EP400: variants seen among roughly 807,000 people sequenced by gnomAD.
EP400 encodes E1A-binding protein p400.
Under a neutral mutation model 354.1 loss-of-function variants are expected in EP400, and 105 were observed. That is an observed-to-expected ratio of 0.30 (90% confidence interval 0.25 to 0.35). The LOEUF (loss-of-function observed/expected upper bound fraction) is 0.35. EP400 is among the 10% of genes least tolerant of loss of function. The pLI, the probability that EP400 is intolerant of heterozygous loss-of-function variation, is 1.00. For missense variants in EP400, 3,280 were observed against 4,121.0 expected (o/e 0.80, Z 5.59); for synonymous variants, 1,646 against 1,716.9 (o/e 0.96, Z 1.02).
intron 30 of EP400, among the ~76,000 whole-genome samples, chr12:132,032,876 G>A (rs577107739): frequency 2.0e-4 from 30 of 152,040 alleles, no homozygotes; most frequent in Non-Finnish European, 4.3e-4. Flanking sequence ...TGATCCGCCC[G>A]CCGTGGCCTC....
At chr12:132,031,901 G>A (rs1857576430) in intron 29 of EP400, 52 bp from the exon 30 acceptor site, 2 of 1,538,908 alleles carry the variant, frequency 1.3e-6, no homozygotes, top group Non-Finnish European at 1.8e-6. Flanking sequence ...CGTGTCAAAG[G>A]TTTCCCAACA....
chr12:132,028,839 TC>T (rs1459997014), intron 27 of EP400: 1 of 155,694 alleles, frequency 6.4e-6, no homozygotes, highest in Admixed American at 6.1e-5. Flanking sequence ...CATGTTTTCT[TC>T]CCTTCTTTGC....
Position 131,987,802 on chromosome 12 carries a change from C to G in EP400, c.2321C>G (p.Ser774Cys). The part of the protein sequence containing the change: ...PKLQEAPRPK[S>C]HWDYLLEEMQ... ...CTGCAGGAGGCCCCACGCCCCAAGT[C>G]CCACTGGGACTATCTGCTGGAGGAG... The change falls in exon 7 of 53, where the codon TCC (serine) becomes TGC (cysteine). Residue 774 changes from serine (S) to cysteine (C), a missense_variant. Transcript: ENST00000389561. 1 of 1,613,468 alleles carries G rather than the reference C, an allele frequency of 6.2e-7. No individual in the cohort carries two copies. The highest frequency in any genetic ancestry group is 8.5e-7 in the Non-Finnish European group (1 of 1,179,932).
intron 29 of EP400, among the ~76,000 whole-genome samples, 195 bp from the exon 30 acceptor site, chr12:132,031,758 T>C (rs1308609424): frequency 5.3e-5 from 8 of 152,148 alleles, no homozygotes; most frequent in Non-Finnish European, 1.2e-4. Flanking sequence ...GGTTTCGCCA[T>C]GTTAGCCAGG....
chr12:132,006,725 T>C lies in EP400; in HGVS notation c.3152T>C (p.Leu1051Ser). The change falls in exon 15 of 53, where the codon TTG (leucine) becomes TCG (serine). Residue 1051 changes from leucine (L) to serine (S), a missense_variant. Leu to Ser is a moderately radical substitution (Grantham distance 145, BLOSUM62 -2). Around this residue, in one of 20 missense-constraint regions of EP400, gnomAD observed 800 missense variants for 840.0 expected, o/e 0.95. Coordinates refer to ENST00000389561, the MANE Select transcript of EP400 (RefSeq NM_015409.5). ...GTCAAGTTTAATGCTCCATCTTTGT[T>C]GTATGGGGCTCTCAGAGATTATCAG... ...TSVKFNAPSL[L>S]YGALRDYQKI... 1 of 1,604,688 alleles carries C rather than the reference T, an allele frequency of 6.2e-7. No homozygotes were observed. The highest frequency in any genetic ancestry group is 2.2e-5 in the East Asian group (1 of 44,772).
In EP400 at chr12:132,062,192, C is replaced by T; in HGVS notation, c.7967C>T (p.Pro2656Leu). The change falls in exon 46 of 53, where the codon CCT becomes CTT. Residue 2656 changes from proline to leucine, a missense_variant. Coordinates refer to ENST00000389561, the MANE Select transcript of EP400 (RefSeq NM_015409.5). ...RAVGSPATAT[P>L]DLVSMATTQG... The stretch of plus-strand genomic sequence containing the variant: ...GTCGGCTCCCCAGCCACGGCGACCC[C>T]TGACCTGGTGTCCATGGCAACGACT... The T allele has an allele frequency of 6.2e-7, 1 of 1,614,172 alleles. No homozygotes were observed. The highest frequency in any genetic ancestry group is 8.5e-7 in the Non-Finnish European group (1 of 1,180,018).
rs536240843 is a variant in EP400, at chr12:132,079,349, C to T, written c.*1676C>T. 43 of 152,390 alleles carry T rather than the reference C, an allele frequency of 2.8e-4. No individual in the cohort carries two copies. Among genetic ancestry groups the T allele is most frequent in the Non-Finnish European group, 4.7e-4 (32 of 68,048 alleles). 9.4% of individuals were successfully genotyped at this position (152,390 alleles called of 1,614,324 possible). On this transcript the variant is annotated 3_prime_UTR_variant, in exon 53 of 53. Transcript: ENST00000389561. ...TGGAATCTGTTTGTTCTAACCAACC[C>T]GTTCTCCCTGGCTTGGCACGTGCCG...
Position 131,990,049 on chromosome 12 carries a change from G to T in EP400, c.2495G>T (p.Arg832Leu), listed in dbSNP as rs769995941. The T allele has an allele frequency of 6.2e-7, 1 of 1,613,108 alleles. No individual in the cohort carries two copies. The highest frequency in any genetic ancestry group is 8.5e-7 in the Non-Finnish European group (1 of 1,179,766). The change falls in exon 8 of 53, where the codon CGG becomes CTG. Residue 832 changes from arginine (R) to leucine (L), a missense_variant. Coordinates refer to ENST00000389561, the MANE Select transcript of EP400 (RefSeq NM_015409.5). The surrounding 1 kb of genome is among the most constrained non-coding windows in gnomAD (Gnocchi z 4.2). ...GKKEEQSRLR[R>L]IAASTAREIE... Reference sequence around the variant, plus strand: ...AAGGAAGAGCAGAGCAGACTGAGGCGGATAGCCGCCTCCACGGCCCGGGAG... The same window carrying T: ...AAGGAAGAGCAGAGCAGACTGAGGCTGATAGCCGCCTCCACGGCCCGGGAG...
At chr12:131,985,103 A>C (rs12423620) in intron 5 of EP400, among the ~76,000 whole-genome samples, 23,003 of 151,568 alleles carry the variant, frequency 0.15, 2,495 homozygotes, top group African/African-American at 0.31. Flanking sequence ...TAATCCACCC[A>C]CCTTGGGCTC....
intron 12 of EP400, among the ~76,000 whole-genome samples, chr12:132,000,902 T>A (rs764784419): frequency 1.3e-5 from 2 of 152,250 alleles, no homozygotes; most frequent in Non-Finnish European, 2.9e-5. Context: ...CTTTTATTTC[T>A]TCAAATATGA....
chr12:131,968,341 A>G (rs142465930), intron 2 of EP400, among the ~76,000 whole-genome samples: 37 of 152,326 alleles, frequency 2.4e-4, no homozygotes, highest in Non-Finnish European at 3.8e-4. Context: ...CAGACGATCT[A>G]TGTATGTTGA....
Position 132,044,195 on chromosome 12 carries a change from G to A in EP400, c.6469G>A (p.Val2157Met). 1.9e-6 allele frequency: 3 copies of A among 1,614,258 alleles called. No homozygotes were observed. The highest frequency in any genetic ancestry group is 1.6e-4 in the Middle Eastern group (1 of 6,062). Reference sequence around the variant, plus strand: ...CCGTCAGGACGCAGTGATGACTGCAGTGAGGGCATGGGAGTTCTGGAACCT... The same window carrying A: ...CCGTCAGGACGCAGTGATGACTGCAATGAGGGCATGGGAGTTCTGGAACCT... ...RNSEDAVMTA[V>M]RAWEFWNLKT... Residue 2157 changes from valine to methionine, a missense_variant, in exon 35 of 53, where the codon GTG (valine) becomes ATG (methionine). By Grantham distance (21) the Val-to-Met change is conservative. Transcript: ENST00000389561.
intron 5 of EP400, among the ~76,000 whole-genome samples, chr12:131,982,741 G>A (rs755056143): frequency 3.9e-5 from 6 of 152,198 alleles, no homozygotes; most frequent in African/African-American, 9.6e-5. Context: ...AGGCTGAGGC[G>A]GGTGGATTAC....
intron 11 of EP400, 150 bp downstream of exon 11, chr12:131,992,380 A>T (rs1893069788): frequency 1.3e-6 from 1 of 751,304 alleles, no homozygotes; most frequent in Non-Finnish European, 2.2e-6. Flanking sequence ...CAGTGTATAG[A>T]GTACTTTTTG....
At chr12:131,977,300 CTAAT>C (rs1892515682) in intron 2 of EP400, among the ~76,000 whole-genome samples, 1 of 150,862 alleles carries the variant, frequency 6.6e-6, no homozygotes, top group Non-Finnish European at 1.5e-5. Context: ...CCGCGTCTGA[CTAAT>C]TTTTTTTTTT....
intron 1 of EP400, among the ~76,000 whole-genome samples, chr12:131,959,856 C>T (rs1328611169): frequency 6.6e-6 from 1 of 152,228 alleles, no homozygotes; most frequent in African/African-American, 2.4e-5. Context: ...ACTGTCTTAC[C>T]CGTGTCTGTC....
Position 131,979,747 on chromosome 12 carries a change from G to C in EP400, c.1389G>C (p.Thr463=), listed in dbSNP as rs370745926. 2 of 1,610,394 alleles carry C rather than the reference G, an allele frequency of 1.2e-6. No individual in the cohort carries two copies. The highest frequency in any genetic ancestry group is 2.2e-5 in the South Asian group (2 of 90,644). ...CAGGGGCCGGAAGCACAGTAGAGACGGACCTGTTTAAGAGGCAGCAGGCGA... is the reference window on the plus strand; with the variant it reads ...CAGGGGCCGGAAGCACAGTAGAGACCGACCTGTTTAAGAGGCAGCAGGCGA... The part of the protein sequence containing the change: ...LVAGAGSTVE[T]DLFKRQQAMP... Residue 463 remains threonine (T), a synonymous_variant, in exon 3 of 53, where the codon ACG becomes ACC. Coordinates refer to ENST00000389561, the MANE Select transcript of EP400 (RefSeq NM_015409.5).
At position 132,005,118 on chromosome 12, in the gene EP400, G is replaced by A. The variant is rs779572889; in HGVS notation, c.2869G>A (p.Ala957Thr). ...GGACCTGATGAAGCTGTACGAAGGC[G>A]CCTTCCTGCCGAGTTCTCAGTGGCC... ...LLDLMKLYEG[A>T]FLPSSQWPRP... The change falls in exon 13 of 53, where the codon GCC (alanine) becomes ACC (threonine). Residue 957 changes from alanine to threonine, a missense_variant. Around this residue, in one of 20 missense-constraint regions of EP400, gnomAD observed 800 missense variants for 840.0 expected, o/e 0.95. Coordinates refer to ENST00000389561, the MANE Select transcript of EP400 (RefSeq NM_015409.5). The A allele has an allele frequency of 1.3e-5, 21 of 1,589,662 alleles. No individual in the cohort carries two copies. The highest frequency in any genetic ancestry group is 1.5e-5 in the Non-Finnish European group (18 of 1,168,434).
chr12:132,066,446 G>A (rs1895894072), intron 48 of EP400: 1 of 270,450 alleles, frequency 3.7e-6, no homozygotes, highest in South Asian at 5.3e-5. Flanking sequence ...AAAGCCTTCT[G>A]TGGGAAAAAC....
Sources: gnomAD v4.1 joint callset for allele counts (sites outside exome capture counted in the v4.1 genomes callset) on GRCh38, gnomAD v4.1.1 for gene constraint, gnomAD v4.1.1 regional missense constraint, Gnocchi (gnomAD v3.1) non-coding constraint, MANE v1.5 for transcripts, NCBI Gene and HGNC (gene_info 2026-07-23, HGNC 2026-07-21) for gene names.